REV3L: variants seen among roughly 807,000 people sequenced by gnomAD.
REV3L encodes the protein DNA polymerase zeta catalytic subunit.
Under a neutral mutation model 299.4 loss-of-function variants are expected in REV3L, and 69 were observed. That is an observed-to-expected ratio of 0.23 (90% confidence interval 0.19 to 0.28). The LOEUF is 0.28. REV3L is among the 10% of genes least tolerant of loss of function. The probability of loss-of-function intolerance (pLI) is 1.00; values close to 1 mark genes in which losing one functional copy is unlikely to be tolerated. For synonymous variants in REV3L, 1,238 were observed against 1,271.4 expected (o/e 0.97, Z 0.56); for missense variants, 3,128 against 3,693.8 (o/e 0.85, Z 3.97).
At chr6:111,471,760 C>A (rs1431256387) in intron 1 of REV3L, among the ~76,000 whole-genome samples, 1 of 152,088 alleles carries the variant, frequency 6.6e-6, no homozygotes, top group African/African-American at 2.4e-5. Flanking sequence ...AAGGTAGTGC[C>A]ACATGACTAT....
At chr6:111,431,251 C>T in intron 1 of REV3L, 1 of 1,527,202 alleles carries the variant, frequency 6.5e-7, no homozygotes. Context: ...CAGGACCCTA[C>T]AAGAGATTTA....
intron 1 of REV3L, chr6:111,460,167 C>CTA (rs1381050706): frequency 2.0e-5 from 3 of 151,994 alleles, no homozygotes; most frequent in Non-Finnish European, 4.4e-5. Context: ...AATGGAGAAA[C>CTA]AGAAAACCAA....
chr6:111,469,476 A>G (rs998328780), intron 1 of REV3L, among the ~76,000 whole-genome samples: 4 of 152,220 alleles, frequency 2.6e-5, no homozygotes, highest in African/African-American at 9.6e-5. Context: ...ACAGTTGGAT[A>G]ATAGATTGTT....
chr6:111,406,177 T>C (rs540080177), intron 3 of REV3L, among the ~76,000 whole-genome samples: 1 of 152,284 alleles, frequency 6.6e-6, no homozygotes, highest in East Asian at 1.9e-4. Context: ...TGCAAAACCT[T>C]AGAGAAACTC....
chr6:111,377,601 T>C, intron 12 of REV3L, 100 bp downstream of exon 12: 1 of 1,176,214 alleles, frequency 8.5e-7, no homozygotes, highest in Non-Finnish European at 1.2e-6. Context: ...ACTCCCAGAA[T>C]GCTGGGATTA....
intron 31 of REV3L, among the ~76,000 whole-genome samples, chr6:111,305,416 C>T (rs1270530896): frequency 1.3e-5 from 2 of 151,672 alleles, no homozygotes; most frequent in Middle Eastern, 3.2e-3. Flanking sequence ...CATAGTGAGA[C>T]CCGATGTCTA....
chr6:111,428,857 A>G (rs1786504158), intron 1 of REV3L, among the ~76,000 whole-genome samples: 1 of 152,186 alleles, frequency 6.6e-6, no homozygotes, highest in Non-Finnish European at 1.5e-5. Context: ...AAACTTGAGA[A>G]AAAGATAAAT....
intron 19 of REV3L, among the ~76,000 whole-genome samples, chr6:111,349,920 T>C (rs1163862327): frequency 1.3e-5 from 2 of 152,230 alleles, no homozygotes; most frequent in Non-Finnish European, 2.9e-5. Flanking sequence ...GAGTTCCTCA[T>C]AGCAAATAGC....
At position 111,376,383 on chromosome 6, in the gene REV3L, T is replaced by C. The variant is rs368781443; in HGVS notation, c.1972A>G (p.Ser658Gly). 6.8e-6 allele frequency: 11 copies of C among 1,612,768 alleles called. No homozygotes were observed. The African/African-American group carries it at 1.1e-4, about 16-fold the overall frequency. The change falls in exon 13 of 32, where the codon AGT becomes GGT. Residue 658 changes from serine to glycine, a missense_variant. Physicochemically the swap from Ser to Gly is moderately conservative, Grantham distance 56. Coordinates refer to ENST00000368802, the MANE Select transcript of REV3L (RefSeq NM_001372078.1). ...ATATCTTCTTCATAATCAAAAATAC[T>C]ACTTTCACAGGAAGATACTGGGAGG... ...EILPVSSCES[S>G]IFDYEEDIPS...
chr6:111,431,247 C>A (rs2128299011), intron 1 of REV3L: 1 of 1,532,458 alleles, frequency 6.5e-7, no homozygotes, highest in East Asian at 2.3e-5. Context: ...ATTCCAGGAC[C>A]CTACAAGAGA....
intron 2 of REV3L, among the ~76,000 whole-genome samples, chr6:111,415,803 T>G (rs1242051165): frequency 6.6e-6 from 1 of 152,142 alleles, no homozygotes; most frequent in African/African-American, 2.4e-5. Context: ...CCCACACTAC[T>G]ATTCCTTCTT....
chr6:111,338,312 C>CTTTTTTTTTTTTT lies in REV3L; in HGVS notation c.7539-2715_7539-2703dup, dbSNP rs144497761. Among the ~76,000 whole-genome samples, 5 of 47,940 alleles carry CTTTTTTTTTTTTT rather than the reference C, an allele frequency of 1.0e-4. 1 individual carries two copies. The highest frequency in any genetic ancestry group is 1.2e-3 in the East Asian group (1 of 832). The allele number at this position is 47,940 out of a possible 152,430, so 31.5% of individuals were successfully genotyped here. A position where few individuals can be genotyped will look rare whatever the true frequency, so the allele number is the denominator to read the frequency against. ...TCTTTGTTTACTCCAGTCTAAAGTC[C>CTTTTTTTTTTTTT]TTTTTTTTTTTTTTTTTTTTTTTTT... is the stretch of plus-strand genomic sequence containing the variant. On this transcript the variant is annotated intron_variant, in intron 21 of 31. Coordinates refer to ENST00000368802, the MANE Select transcript of REV3L (RefSeq NM_001372078.1).
intron 21 of REV3L, among the ~76,000 whole-genome samples, chr6:111,338,506 T>A (rs1456649506): frequency 2.0e-5 from 3 of 151,366 alleles, no homozygotes; most frequent in Admixed American, 2.0e-4. Context: ...CCCTTTTTTT[T>A]ACTAATTTAA....
At chr6:111,465,766 ACTT>A (rs1791422477) in intron 1 of REV3L, among the ~76,000 whole-genome samples, 1 of 150,330 alleles carries the variant, frequency 6.7e-6, no homozygotes, top group African/African-American at 2.4e-5. Context: ...AAAAAAAAAA[ACTT>A]TGTTTAAAAT....
chr6:111,388,930 G>T (rs1781618419), intron 7 of REV3L, among the ~76,000 whole-genome samples, 176 bp downstream of exon 7: 1 of 152,128 alleles, frequency 6.6e-6, no homozygotes, highest in Admixed American at 6.5e-5. Flanking sequence ...GCGACAATTG[G>T]AGACAGCTGT....
chr6:111,379,920 TTC>T, intron 11 of REV3L, 60 bp downstream of exon 11: 1 of 979,436 alleles, frequency 1.0e-6, no homozygotes, highest in Non-Finnish European at 1.6e-6. Flanking sequence ...AATAAATAAT[TTC>T]TGATTGAAGG....
intron 1 of REV3L, among the ~76,000 whole-genome samples, chr6:111,451,245 T>C (rs1156615102): frequency 1.3e-5 from 2 of 152,210 alleles, no homozygotes; most frequent in African/African-American, 4.8e-5. Flanking sequence ...ATTTATTATA[T>C]AGTCCAACAT....
At chr6:111,427,854 T>C (rs1786372066) in intron 1 of REV3L, among the ~76,000 whole-genome samples, 1 of 151,944 alleles carries the variant, frequency 6.6e-6, no homozygotes, top group Admixed American at 6.5e-5. Flanking sequence ...CTACCATCCC[T>C]AGTCCTGGAA....
intron 3 of REV3L, among the ~76,000 whole-genome samples, chr6:111,407,244 G>A (rs1370135931): frequency 6.6e-6 from 1 of 152,100 alleles, no homozygotes; most frequent in East Asian, 1.9e-4. Context: ...GAGAAATGAG[G>A]CTATTCATAT....
Sources: gnomAD v4.1 joint callset for allele counts (sites outside exome capture counted in the v4.1 genomes callset) on GRCh38, gnomAD v4.1.1 for gene constraint, MANE v1.5 for transcripts, NCBI Gene and HGNC (gene_info 2026-07-23, HGNC 2026-07-21) for gene names.